Variants in PDSS2 observed in about 807,000 individuals in gnomAD.
The protein encoded by PDSS2 is decaprenyl diphosphate synthase subunit 2.
A neutral mutation model predicts 44.5 loss-of-function variants in PDSS2; 31 were observed. The observed-to-expected ratio is 0.70, with a 90% CI of 0.52 to 0.94. PDSS2 has a LOEUF of 0.94. PDSS2 is among the 40% of genes least tolerant of loss of function. The probability of loss-of-function intolerance (pLI) is 0.00; values close to 1 mark genes in which losing one functional copy is unlikely to be tolerated. For missense variants in PDSS2, 452 were observed against 482.2 expected (o/e 0.94, Z 0.59); for synonymous variants, 157 against 180.3 (o/e 0.87, Z 1.03).
intron 4 of PDSS2, among the ~76,000 whole-genome samples, chr6:107,213,421 A>G (rs1454374287): frequency 6.6e-6 from 1 of 151,708 alleles, no homozygotes; most frequent in African/African-American, 2.4e-5. Flanking sequence ...AAGTGCTGGA[A>G]TTACAGGCAT....
chr6:107,359,267 C>T (rs1427874224), intron 1 of PDSS2, among the ~76,000 whole-genome samples: 2 of 149,968 alleles, frequency 1.3e-5, no homozygotes, highest in Non-Finnish European at 3.0e-5. Context: ...CTGCCTCAGC[C>T]TCACAAAGTG....
intron 1 of PDSS2, among the ~76,000 whole-genome samples, chr6:107,447,295 C>T (rs1425780490): frequency 6.6e-6 from 1 of 152,064 alleles, no homozygotes; most frequent in African/African-American, 2.4e-5. Context: ...GAGATGGCAC[C>T]ACTGCACTCC....
At chr6:107,166,669 TGA>T (rs1417398133) in intron 7 of PDSS2, among the ~76,000 whole-genome samples, 2 of 152,190 alleles carry the variant, frequency 1.3e-5, no homozygotes, top group Non-Finnish European at 2.9e-5. Flanking sequence ...CGGCCTTTAT[TGA>T]GAGTTTTTAG....
chr6:107,409,527 A>G (rs1780425567), intron 1 of PDSS2, among the ~76,000 whole-genome samples: 1 of 152,162 alleles, frequency 6.6e-6, no homozygotes, highest in South Asian at 2.1e-4. Context: ...CCCTTGTCAC[A>G]AAAAGACTAG....
intron 4 of PDSS2, among the ~76,000 whole-genome samples, chr6:107,230,550 G>C (rs562066538): frequency 6.6e-6 from 1 of 152,172 alleles, no homozygotes; most frequent in African/African-American, 2.4e-5. Context: ...ACTGTCTTTG[G>C]ATCAGCTGAG....
chr6:107,202,643 C>T (rs368742018), intron 6 of PDSS2, among the ~76,000 whole-genome samples: 1 of 152,046 alleles, frequency 6.6e-6, no homozygotes, highest in Admixed American at 6.6e-5. Flanking sequence ...AATAAGAGAG[C>T]GCAGAAGGCA....
At chr6:107,169,652 T>C (rs1169742832) in intron 7 of PDSS2, among the ~76,000 whole-genome samples, 1 of 152,058 alleles carries the variant, frequency 6.6e-6, no homozygotes, top group Non-Finnish European at 1.5e-5. Flanking sequence ...ACAGGTGGGG[T>C]TTTGGTGTGG....
intron 1 of PDSS2, among the ~76,000 whole-genome samples, chr6:107,370,377 C>T (rs1005468713): frequency 5.9e-5 from 9 of 152,144 alleles, no homozygotes; most frequent in African/African-American, 1.9e-4. Context: ...CAAAAGTGAT[C>T]CCAATTTGAA....
intron 7 of PDSS2, among the ~76,000 whole-genome samples, chr6:107,169,586 G>GT (rs1363915418): frequency 1.3e-5 from 2 of 152,132 alleles, no homozygotes; most frequent in Non-Finnish European, 2.9e-5. Context: ...TTTCTGCTCT[G>GT]TTTTTTCCCC....
intron 1 of PDSS2, among the ~76,000 whole-genome samples, chr6:107,387,059 G>A (rs778336540): frequency 2.0e-5 from 3 of 152,136 alleles, no homozygotes; most frequent in Non-Finnish European, 4.4e-5. Context: ...AAGTCTGAAG[G>A]GTTTGTCCAT....
At chr6:107,207,764 C>T (rs912425757) in intron 6 of PDSS2, among the ~76,000 whole-genome samples, 7 of 151,738 alleles carry the variant, frequency 4.6e-5, no homozygotes, top group African/African-American at 7.3e-5. Flanking sequence ...CCCGGGCCAC[C>T]ATGCCTGGCT....
chr6:107,382,751 C>T (rs9486602), intron 1 of PDSS2, among the ~76,000 whole-genome samples: 27,743 of 151,764 alleles, frequency 0.18, 2,620 homozygotes, highest in East Asian at 0.3. Context: ...GTGAGAGGAT[C>T]ATTTGAGCTT....
chr6:107,397,895 G>A (rs189605208), intron 1 of PDSS2, among the ~76,000 whole-genome samples: 29 of 152,128 alleles, frequency 1.9e-4, no homozygotes, highest in African/African-American at 4.3e-4. Context: ...AAAATAAAAC[G>A]TCAATGTTTG....
At chr6:107,196,996 C>T (rs912906310) in intron 6 of PDSS2, among the ~76,000 whole-genome samples, 2 of 152,162 alleles carry the variant, frequency 1.3e-5, no homozygotes, top group African/African-American at 4.8e-5. Flanking sequence ...AACTCCACGC[C>T]CCTTCCCACT....
intron 7 of PDSS2, among the ~76,000 whole-genome samples, chr6:107,177,256 G>A (rs574933152): frequency 1.3e-5 from 2 of 151,454 alleles, no homozygotes; most frequent in East Asian, 1.9e-4. Context: ...TCAGCCTCCC[G>A]AGTAGCTGAG....
At chr6:107,267,100 TAAAAC>T (rs1048112173) in intron 3 of PDSS2, among the ~76,000 whole-genome samples, 11 of 152,192 alleles carry the variant, frequency 7.2e-5, no homozygotes, top group African/African-American at 2.7e-4. Context: ...AGTTCAAAGT[TAAAAC>T]AAATGATTAC....
chr6:107,456,131 G>T (rs1782035690), intron 1 of PDSS2, among the ~76,000 whole-genome samples: 1 of 152,124 alleles, frequency 6.6e-6, no homozygotes, highest in African/African-American at 2.4e-5. Context: ...GACTAGCCTG[G>T]CCAATATGGT....
chr6:107,428,782 A>G (rs989323860), intron 1 of PDSS2, among the ~76,000 whole-genome samples: 2 of 152,130 alleles, frequency 1.3e-5, no homozygotes, highest in African/African-American at 4.8e-5. Flanking sequence ...GGCTGTTGTG[A>G]GCTGTGACTA....
At chr6:107,442,159 G>A (rs1176504723) in intron 1 of PDSS2, among the ~76,000 whole-genome samples, 3 of 152,230 alleles carry the variant, frequency 2.0e-5, no homozygotes, top group Non-Finnish European at 4.4e-5. Flanking sequence ...GCTCACACCT[G>A]TAATCCCAAC....
Sources: allele counts gnomAD v4.1 joint callset (sites outside exome capture counted in the v4.1 genomes callset), GRCh38; gene constraint gnomAD v4.1.1; transcripts MANE v1.5; gene names NCBI Gene and HGNC (gene_info 2026-07-23, HGNC 2026-07-21).